Variants in ALS2CL observed in about 807,000 individuals in gnomAD.
ALS2CL encodes the protein ALS2 C-terminal-like protein.
A neutral mutation model predicts 127.9 loss-of-function variants in ALS2CL; 112 were observed. That is an observed-to-expected ratio of 0.88 (90% CI 0.75 to 1.02). The LOEUF is 1.02. Ranked by LOEUF, ALS2CL falls within the 50% of genes least tolerant of loss-of-function variation. The pLI is 0.00. For synonymous variants in ALS2CL, 519 were observed against 527.6 expected (o/e 0.98, Z 0.22); for missense variants, 1,174 against 1,236.7 (o/e 0.95, Z 0.76).
In ALS2CL at chr3:46,676,894, C is replaced by T. The variant is rs750482988; in HGVS notation, c.1886G>A (p.Ser629Asn). The change falls in exon 17 of 26, where the codon AGC becomes AAC. Residue 629 changes from serine to asparagine, a missense_variant. Ser to Asn is a conservative substitution (Grantham distance 46, BLOSUM62 1). Transcript: ENST00000318962. The stretch of plus-strand genomic sequence containing the variant: ...CTGAGACCTACGCAGCTCCCTGGAG[C>T]TCTGCACGTCGAAGCCCAGCAGGGC... ...QEALLGFDVQ[S>N]SRELRRSQDY... The T allele has an allele frequency of 6.2e-7, 1 of 1,613,588 alleles. No homozygotes were observed. Among genetic ancestry groups the T allele is most frequent in the African/African-American group, 1.3e-5 (1 of 74,890 alleles).
At chr3:46,679,124 C>T (rs1699114233) in intron 15 of ALS2CL, 86 bp downstream of exon 15, 3 of 1,368,740 alleles carry the variant, frequency 2.2e-6, no homozygotes, top group East Asian at 5.2e-5. Context: ...CCCCTACCTG[C>T]CCCCAGCCCT....
intron 1 of ALS2CL, 24 bp downstream of exon 1, chr3:46,693,619 G>GCGCGCCCTTCGT (rs1311826922): frequency 1.3e-5 from 2 of 152,318 alleles, no homozygotes; most frequent in African/African-American, 4.8e-5. Flanking sequence ...GTCCGCAGAC[G>GCGCGCCCTTCGT]CGCGCCCTTC....
chr3:46,690,397 T>C (rs1350599461), intron 1 of ALS2CL, among the ~76,000 whole-genome samples: 2 of 151,828 alleles, frequency 1.3e-5, no homozygotes, highest in Non-Finnish European at 2.9e-5. Flanking sequence ...GCCCTTGGGG[T>C]GGGCAGGTGG....
At chr3:46,682,897 G>A (rs1236019536) in intron 10 of ALS2CL, among the ~76,000 whole-genome samples, 8 of 152,208 alleles carry the variant, frequency 5.3e-5, no homozygotes, top group African/African-American at 1.2e-4. Flanking sequence ...TAAGGCCAGC[G>A]CGTGGTTGCT....
chr3:46,677,868 C>T (rs1575420361), intron 16 of ALS2CL, among the ~76,000 whole-genome samples: 1 of 152,160 alleles, frequency 6.6e-6, no homozygotes, highest in South Asian at 2.1e-4. Context: ...CAGAGCCAGG[C>T]TCAATGATCA....
chr3:46,674,631 G>A lies in ALS2CL; in HGVS notation c.2364C>T (p.Ser788=). The part of the protein sequence containing the change: ...LLHEREDSFY[S]QGIANLSLFP... ...AGAGGCTCAAGTTGGCAATGCCCTG[G>A]CTGTAGAAGCTGTCCTCCCGCTCAT... Residue 788 remains serine (S), a synonymous_variant, in exon 21 of 26, where the codon AGC becomes AGT. Coordinates refer to ENST00000318962, the MANE Select transcript of ALS2CL (RefSeq NM_147129.5). 6.2e-7 allele frequency: 1 copy of A among 1,614,132 alleles called. No individual in the cohort carries two copies. The highest frequency in any genetic ancestry group is 1.1e-5 in the South Asian group (1 of 91,076).
In ALS2CL at chr3:46,684,024, A is replaced by G; in HGVS notation, c.810T>C (p.Asp270=). The part of the protein sequence containing the change: ...LLQGHNVHTF[D]LKLVWVDPGQ... Reference sequence around the variant, plus strand: ...CAGGATCCACCCACACCAGCTTCAGATCAAAGGTGTGGACATTGTGGCCCT... The same window carrying G: ...CAGGATCCACCCACACCAGCTTCAGGTCAAAGGTGTGGACATTGTGGCCCT... Residue 270 remains aspartate (D), a synonymous_variant, in exon 8 of 26, where the codon GAT becomes GAC. Transcript: ENST00000318962. The G allele has an allele frequency of 6.4e-7, 1 of 1,566,246 alleles. No individual in the cohort carries two copies. The highest frequency in any genetic ancestry group is 8.7e-7 in the Non-Finnish European group (1 of 1,154,600).
chr3:46,674,918 A>C, intron 20 of ALS2CL, 179 bp from the exon 21 acceptor site: 1 of 553,002 alleles, frequency 1.8e-6, no homozygotes, highest in Non-Finnish European at 3.0e-6. Flanking sequence ...AATTCAATTC[A>C]TAACTTCATT....
At chr3:46,687,556 G>A (rs1453751643) in intron 4 of ALS2CL, 63 bp downstream of exon 4, 30 of 1,578,188 alleles carry the variant, frequency 1.9e-5, no homozygotes, top group Admixed American at 1.1e-4. Context: ...GGGCTTCCCC[G>A]ACCCCACCCT....
chr3:46,678,494 C>CTAA (rs1699057536), intron 15 of ALS2CL, 105 bp from the exon 16 acceptor site: 1 of 1,418,974 alleles, frequency 7.0e-7, no homozygotes, highest in East Asian at 2.4e-5. Context: ...AGGCTAAGGA[C>CTAA]TAATGAATGG....
intron 9 of ALS2CL, 151 bp from the exon 10 acceptor site, chr3:46,683,477 C>A (rs185854234): frequency 5.8e-6 from 5 of 865,252 alleles, no homozygotes; most frequent in East Asian, 2.7e-5. Flanking sequence ...CTGCTTCTTG[C>A]TACTCTCTGG....
rs913920937 is a variant in ALS2CL at position 46,671,952 on chromosome 3, C to G, written c.2616G>C (p.Leu872Phe). Residue 872 changes from leucine (L) to phenylalanine (F), a missense_variant, in exon 24 of 26, where the codon TTG becomes TTC. Coordinates refer to ENST00000318962, the MANE Select transcript of ALS2CL (RefSeq NM_147129.5). ...CCATGGGCAGCTTGTACTCCCGGCCCAATACCCTCGACACCGTGCCCTCAA... is the reference window on the plus strand; with the variant it reads ...CCATGGGCAGCTTGTACTCCCGGCCGAATACCCTCGACACCGTGCCCTCAA... Reference protein sequence around the residue: ...GEIEGTVSRVLGREYKLPMDD... With the variant: ...GEIEGTVSRVFGREYKLPMDD... 1 of 1,613,852 alleles carries G rather than the reference C, an allele frequency of 6.2e-7. No homozygotes were observed. Among genetic ancestry groups the G allele is most frequent in the African/African-American group, 1.3e-5 (1 of 74,898 alleles).
intron 16 of ALS2CL, 172 bp from the exon 17 acceptor site, chr3:46,677,194 G>A: frequency 7.0e-7 from 1 of 1,427,506 alleles, no homozygotes; most frequent in Non-Finnish European, 9.1e-7. Flanking sequence ...ACGGCTCCAG[G>A]AGGAAGAGCA....
Position 46,672,863 on chromosome 3 carries a change from T to G in ALS2CL, c.2472+476A>C, listed in dbSNP as rs143321809. 2.0e-4 allele frequency among the ~76,000 whole-genome samples: 31 copies of G among 152,182 alleles called. 1 individual carries two copies. The East Asian group carries it at 5.8e-3, about 28-fold the overall frequency. ...TACAAAAATTAGCTGGGCATGGTAG[T>G]GAGCACTTGGCAGGCGCCTGTAATC... On this transcript the variant is annotated intron_variant, in intron 22 of 25. Coordinates refer to ENST00000318962, the MANE Select transcript of ALS2CL (RefSeq NM_147129.5).
chr3:46,685,201 C>T (rs1183136043), intron 7 of ALS2CL, among the ~76,000 whole-genome samples: 1 of 152,220 alleles, frequency 6.6e-6, no homozygotes, highest in Non-Finnish European at 1.5e-5. Flanking sequence ...TAAGAGTTGT[C>T]TGGTGTCTAC....
rs754052405 is a variant in ALS2CL at position 46,676,830 on chromosome 3, C to T, written c.1931+19G>A. 6.6e-7 allele frequency: 1 copy of T among 1,520,860 alleles called. No homozygotes were observed. Among genetic ancestry groups the T allele is most frequent in the East Asian group, 2.5e-5 (1 of 39,254 alleles). 94.2% of individuals were successfully genotyped at this position (1,520,860 alleles called of 1,614,324 possible). Reference sequence around the variant, plus strand: ...CCCAGCCCACCCTAACCTGTGCATGCTCACACAGCCGGCCTCACCTCTCGC... The same window carrying T: ...CCCAGCCCACCCTAACCTGTGCATGTTCACACAGCCGGCCTCACCTCTCGC... On this transcript the variant is annotated intron_variant, in intron 17 of 25. Transcript: ENST00000318962.
chr3:46,679,473 A>G (rs1699146025), intron 14 of ALS2CL, 186 bp from the exon 15 acceptor site: 1 of 444,128 alleles, frequency 2.3e-6, no homozygotes, highest in African/African-American at 2.0e-5. Flanking sequence ...GCTAAGCACC[A>G]GCCCCGAGGA....
rs1351336778 is a variant in ALS2CL, at chr3:46,679,266, C to G, written c.1570G>C (p.Glu524Gln). 6.3e-7 allele frequency: 1 copy of G among 1,589,496 alleles called. No homozygotes were observed. Among genetic ancestry groups the G allele is most frequent in the Admixed American group, 1.8e-5 (1 of 56,646 alleles). ...KTVGPGILLS[E>Q]DDSLYEGTFT... Reference sequence around the variant, plus strand: ...GTGCCCTCATACAGGGAGTCGTCTTCAGAGAGGAGGATGCCCGGGCCCTTG... The same window carrying G: ...GTGCCCTCATACAGGGAGTCGTCTTGAGAGAGGAGGATGCCCGGGCCCTTG... The change falls in exon 15 of 26, where the codon GAA (glutamate) becomes CAA (glutamine). Residue 524 changes from glutamate to glutamine, a missense_variant. Physicochemically the swap from Glu to Gln is conservative, Grantham distance 29. Coordinates refer to ENST00000318962, the MANE Select transcript of ALS2CL (RefSeq NM_147129.5).
intron 11 of ALS2CL, 23 bp downstream of exon 11, chr3:46,682,006 G>A (rs763980762): frequency 4.3e-6 from 7 of 1,613,088 alleles, no homozygotes; most frequent in East Asian, 2.2e-5. Context: ...ACGCCTCCCA[G>A]CAGTAGCCCC....
Sources: allele counts gnomAD v4.1 joint callset (sites outside exome capture counted in the v4.1 genomes callset), GRCh38; gene constraint gnomAD v4.1.1; transcripts MANE v1.5; gene names NCBI Gene and HGNC (gene_info 2026-07-23, HGNC 2026-07-21).